PTPRG: variants seen among roughly 807,000 people sequenced by gnomAD.
PTPRG encodes the protein receptor-type tyrosine-protein phosphatase gamma.
PTPRG carries 102 observed loss-of-function variants against 165.3 expected under a neutral mutation model. The observed-to-expected ratio is 0.62, with a 90% CI of 0.53 to 0.73. PTPRG has a LOEUF of 0.73. PTPRG is among the 30% of genes least tolerant of loss of function. PTPRG has a pLI of 0.00. For missense variants in PTPRG, 1,866 were observed against 1,861.4 expected (o/e 1.00, Z -0.05); for synonymous variants, 675 against 669.5 (o/e 1.01, Z -0.13).
intron 5 of PTPRG, among the ~76,000 whole-genome samples, chr3:62,098,689 G>T (rs866934416): frequency 6.6e-6 from 1 of 152,198 alleles, no homozygotes; most frequent in Non-Finnish European, 1.5e-5. Context: ...AGGAAACCTG[G>T]TTTTTCTGTA....
intron 2 of PTPRG, among the ~76,000 whole-genome samples, chr3:61,868,652 T>A (rs2107433106): frequency 6.6e-6 from 1 of 152,314 alleles, no homozygotes; most frequent in Non-Finnish European, 1.5e-5. Context: ...ACCCTTAGGG[T>A]AATTTGTTAC....
At chr3:61,994,270 G>A (rs1038620072) in intron 3 of PTPRG, among the ~76,000 whole-genome samples, 24 of 152,182 alleles carry the variant, frequency 1.6e-4, no homozygotes, top group African/African-American at 4.8e-4. Context: ...TTAATAAGAC[G>A]TGGCCTTCTA....
intron 4 of PTPRG, among the ~76,000 whole-genome samples, chr3:62,029,524 T>C (rs2107778813): frequency 6.6e-6 from 1 of 152,374 alleles, no homozygotes; most frequent in East Asian, 1.9e-4. Context: ...GAAAGGATGC[T>C]TGGGTTATTT....
At chr3:62,098,982 T>C (rs1217923479) in intron 5 of PTPRG, among the ~76,000 whole-genome samples, 1 of 152,158 alleles carries the variant, frequency 6.6e-6, no homozygotes, top group Non-Finnish European at 1.5e-5. Flanking sequence ...GACAGACACA[T>C]TGTGAGATGA....
intron 4 of PTPRG, among the ~76,000 whole-genome samples, chr3:62,041,617 G>T (rs576314221): frequency 6.6e-6 from 1 of 152,214 alleles, no homozygotes; most frequent in Non-Finnish European, 1.5e-5. Context: ...CACAACCCCT[G>T]CCCCCTTCCA....
intron 5 of PTPRG, among the ~76,000 whole-genome samples, chr3:62,127,600 T>G (rs1703343724): frequency 6.6e-6 from 1 of 152,180 alleles, no homozygotes; most frequent in African/African-American, 2.4e-5. Context: ...CACAAGAGGA[T>G]ATCGGCTGGA....
At chr3:61,911,352 G>C (rs1373553011) in intron 2 of PTPRG, among the ~76,000 whole-genome samples, 1 of 151,976 alleles carries the variant, frequency 6.6e-6, no homozygotes. Context: ...GTTGAGAGTG[G>C]GATAAAAGAG....
chr3:62,024,557 G>A (rs572519321), intron 4 of PTPRG, among the ~76,000 whole-genome samples: 1 of 152,316 alleles, frequency 6.6e-6, no homozygotes, highest in East Asian at 1.9e-4. Flanking sequence ...TGGAATGGAA[G>A]TAAGTCAAGT....
intron 1 of PTPRG, among the ~76,000 whole-genome samples, chr3:61,724,874 C>T (rs1418541121): frequency 6.6e-6 from 1 of 152,042 alleles, no homozygotes; most frequent in Non-Finnish European, 1.5e-5. Context: ...TAGATATTTG[C>T]AAACCCCATC....
At chr3:61,748,357 G>A (rs1362909930) in intron 1 of PTPRG, among the ~76,000 whole-genome samples, 2 of 152,146 alleles carry the variant, frequency 1.3e-5, no homozygotes, top group Non-Finnish European at 2.9e-5. Flanking sequence ...TTGTGTCTCT[G>A]CTCCTTAGTT....
At chr3:62,179,719 A>G (rs564381356) in intron 8 of PTPRG, among the ~76,000 whole-genome samples, 2 of 152,206 alleles carry the variant, frequency 1.3e-5, no homozygotes, top group Non-Finnish European at 2.9e-5. Flanking sequence ...CTCTCCATCA[A>G]CTGACAGTCT....
intron 2 of PTPRG, among the ~76,000 whole-genome samples, chr3:61,815,705 A>G (rs1167090629): frequency 6.6e-6 from 1 of 152,236 alleles, no homozygotes; most frequent in Non-Finnish European, 1.5e-5. Context: ...TTACTAAGCA[A>G]GTTGAAAGAT....
chr3:61,919,977 G>T (rs1355195746), intron 2 of PTPRG, among the ~76,000 whole-genome samples: 1 of 152,168 alleles, frequency 6.6e-6, no homozygotes, highest in Non-Finnish European at 1.5e-5. Context: ...TTATATGATG[G>T]TATCCAGGAT....
chr3:61,656,616 C>T (rs1702516823), intron 1 of PTPRG, among the ~76,000 whole-genome samples: 1 of 152,158 alleles, frequency 6.6e-6, no homozygotes, highest in African/African-American at 2.4e-5. Context: ...CTTGGTTCGG[C>T]ATTCTAACAG....
At chr3:61,848,378 C>T (rs1406792743) in intron 2 of PTPRG, among the ~76,000 whole-genome samples, 1 of 152,198 alleles carries the variant, frequency 6.6e-6, no homozygotes, top group Non-Finnish European at 1.5e-5. Context: ...GTGTGCCTGA[C>T]CTCTGAGCAG....
At chr3:62,121,790 A>G (rs989997038) in intron 5 of PTPRG, among the ~76,000 whole-genome samples, 4 of 152,242 alleles carry the variant, frequency 2.6e-5, no homozygotes, top group African/African-American at 9.6e-5. Flanking sequence ...TACATGCTCT[A>G]TGAAGAAATC....
At chr3:61,723,863 C>T (rs2032149143) in intron 1 of PTPRG, among the ~76,000 whole-genome samples, 1 of 152,172 alleles carries the variant, frequency 6.6e-6, no homozygotes, top group African/African-American at 2.4e-5. Context: ...TTTATAATTG[C>T]AAACATCCTT....
chr3:61,571,320 T>A (rs982626642), intron 1 of PTPRG, among the ~76,000 whole-genome samples: 29 of 152,202 alleles, frequency 1.9e-4, no homozygotes, highest in African/African-American at 7.0e-4. Context: ...AGGATTTTTT[T>A]TAAATTTTAT....
At chr3:62,236,957 C>G (rs1224516602) in intron 14 of PTPRG, among the ~76,000 whole-genome samples, 1 of 152,052 alleles carries the variant, frequency 6.6e-6, no homozygotes, top group Non-Finnish European at 1.5e-5. Context: ...GGTTTGGAGA[C>G]CTGCCTTTTA....
Sources: gnomAD v4.1 joint callset for allele counts (sites outside exome capture counted in the v4.1 genomes callset) on GRCh38, gnomAD v4.1.1 for gene constraint, MANE v1.5 for transcripts, NCBI Gene and HGNC (gene_info 2026-07-23, HGNC 2026-07-21) for gene names.